CBLB: variants seen among roughly 807,000 people sequenced by gnomAD.
CBLB encodes the protein Cbl proto-oncogene B, also known as E3 ubiquitin-protein ligase CBL-B.
CBLB carries 31 observed loss-of-function variants against 104.9 expected under a neutral mutation model. That is an observed-to-expected ratio of 0.30 (90% CI 0.22 to 0.40). The LOEUF (loss-of-function observed/expected upper bound fraction) is 0.40, where lower values mean the gene tolerates loss of function less well. Ranked by LOEUF, CBLB falls within the 10% of genes least tolerant of loss-of-function variation. The pLI, the probability that CBLB is intolerant of heterozygous loss-of-function variation, is 1.00. For missense variants in CBLB, 1,062 were observed against 1,214.6 expected (o/e 0.87, Z 1.87); for synonymous variants, 440 against 422.6 (o/e 1.04, Z -0.51).
intron 6 of CBLB, among the ~76,000 whole-genome samples, chr3:105,740,851 A>G (rs1342745958): frequency 6.6e-6 from 1 of 152,196 alleles, no homozygotes; most frequent in Non-Finnish European, 1.5e-5. Flanking sequence ...AAATACTTCC[A>G]GATACATATA....
chr3:105,693,639 C>G, intron 12 of CBLB, 51 bp from the exon 13 acceptor site: 1 of 1,238,552 alleles, frequency 8.1e-7, no homozygotes, highest in East Asian at 2.3e-5. Context: ...TCTGAAGGAC[C>G]TTAAAGCCAT....
intron 3 of CBLB, 114 bp downstream of exon 3, chr3:105,853,300 C>A: frequency 2.9e-6 from 3 of 1,049,198 alleles, no homozygotes; most frequent in Non-Finnish European, 4.4e-6. Context: ...TGACTATATA[C>A]AAAGCGACTC....
At chr3:105,812,502 G>A (rs776482179) in intron 3 of CBLB, among the ~76,000 whole-genome samples, 3 of 152,132 alleles carry the variant, frequency 2.0e-5, no homozygotes, top group African/African-American at 4.8e-5. Flanking sequence ...AGGAAGATAC[G>A]ATCTAAACAG....
intron 10 of CBLB, among the ~76,000 whole-genome samples, chr3:105,717,459 G>A (rs1576572430): frequency 6.6e-6 from 1 of 152,150 alleles, no homozygotes; most frequent in Non-Finnish European, 1.5e-5. Flanking sequence ...TTTAGGACAA[G>A]ATGTAAAATC....
chr3:105,741,095 G>GTTTTTTTTT (rs66493673), intron 6 of CBLB, among the ~76,000 whole-genome samples: 4 of 108,200 alleles, frequency 3.7e-5, no homozygotes, highest in Non-Finnish European at 5.3e-5. Flanking sequence ...AAAAATTAGG[G>GTTTTTTTTT]TTTTTTTTTT....
chr3:105,833,466 T>C (rs189728576), intron 3 of CBLB, among the ~76,000 whole-genome samples: 1 of 152,236 alleles, frequency 6.6e-6, no homozygotes, highest in African/African-American at 2.4e-5. Flanking sequence ...AAACAAAAAC[T>C]AGGAACTTTT....
intron 12 of CBLB, among the ~76,000 whole-genome samples, chr3:105,700,234 G>A (rs1315447337): frequency 6.6e-6 from 1 of 152,050 alleles, no homozygotes; most frequent in Non-Finnish European, 1.5e-5. Context: ...GTTTTCTAGA[G>A]CTTAGGAGGG....
chr3:105,845,102 A>G (rs1201623487), intron 3 of CBLB, among the ~76,000 whole-genome samples: 1 of 152,120 alleles, frequency 6.6e-6, no homozygotes, highest in Non-Finnish European at 1.5e-5. Context: ...TAAGCTACCT[A>G]AGACTGAAAA....
intron 5 of CBLB, among the ~76,000 whole-genome samples, chr3:105,751,113 A>C (rs1200473172): frequency 6.6e-6 from 1 of 152,218 alleles, no homozygotes; most frequent in East Asian, 1.9e-4. Context: ...GCCCACCTCC[A>C]GTTGTTGCAT....
At chr3:105,860,487 C>G (rs2091997359) in intron 2 of CBLB, among the ~76,000 whole-genome samples, 1 of 152,130 alleles carries the variant, frequency 6.6e-6, no homozygotes, top group African/African-American at 2.4e-5. Flanking sequence ...ACATTAGAAT[C>G]AAGCAAACCT....
At chr3:105,698,307 T>C (rs781617414) in intron 12 of CBLB, among the ~76,000 whole-genome samples, 1 of 152,000 alleles carries the variant, frequency 6.6e-6, no homozygotes, top group African/African-American at 2.4e-5. Context: ...TTATTTCCAT[T>C]TCCCCTATCA....
At chr3:105,775,360 A>G (rs921101119) in intron 4 of CBLB, among the ~76,000 whole-genome samples, 3 of 150,330 alleles carry the variant, frequency 2.0e-5, no homozygotes, top group African/African-American at 7.3e-5. Flanking sequence ...TACTTTGTAA[A>G]GAAAAAACAA....
At chr3:105,708,839 G>A (rs925358047) in intron 10 of CBLB, among the ~76,000 whole-genome samples, 1 of 151,910 alleles carries the variant, frequency 6.6e-6, no homozygotes, top group Non-Finnish European at 1.5e-5. Flanking sequence ...AAATGCTGAT[G>A]TAAAATATTT....
intron 3 of CBLB, among the ~76,000 whole-genome samples, chr3:105,849,348 T>C (rs967581727): frequency 6.6e-6 from 1 of 152,082 alleles, no homozygotes; most frequent in African/African-American, 2.4e-5. Flanking sequence ...TAATATCCAA[T>C]TAAGGATATG....
chr3:105,700,036 CAG>C (rs1183947855), intron 12 of CBLB, among the ~76,000 whole-genome samples: 15 of 152,194 alleles, frequency 9.9e-5, no homozygotes, highest in African/African-American at 3.4e-4. Context: ...AATTTTCACT[CAG>C]TGTTCTCTAT....
chr3:105,764,284 A>G lies in CBLB; in HGVS notation c.566+12112T>C, dbSNP rs577971730. 4.6e-5 allele frequency among the ~76,000 whole-genome samples: 7 copies of G among 152,320 alleles called. No individual in the cohort carries two copies. In the South Asian group the frequency reaches 6.2e-4, roughly 14 times the overall value. On this transcript the variant is annotated intron_variant, in intron 4 of 18. Transcript: ENST00000394030. ...AATATCTGGGGACCAGGTATATAATATAAATTAGTAAAGATGTCCAGGAAA... is the reference window on the plus strand; with the variant it reads ...AATATCTGGGGACCAGGTATATAATGTAAATTAGTAAAGATGTCCAGGAAA...
Position 105,702,476 on chromosome 3 carries a change from G to GAAAAAAAAAAAAAAAAAAAAAACAAAA in CBLB, c.1594-18_1594-17insTTTTGTTTTTTTTTTTTTTTTTTTTTT. 3.6e-6 allele frequency: 1 copy of GAAAAAAAAAAAAAAAAAAAAAACAAAA among 277,062 alleles called. No individual in the cohort carries two copies. Among genetic ancestry groups the GAAAAAAAAAAAAAAAAAAAAAACAAAA allele is most frequent in the Non-Finnish European group, 5.2e-6 (1 of 190,576 alleles). 17.2% of individuals were successfully genotyped at this position (277,062 alleles called of 1,614,324 possible). On this transcript the variant is annotated splice_polypyrimidine_tract_variant and intron_variant, in intron 11 of 18. Transcript: ENST00000394030. Reference sequence around the variant, plus strand: ...AGGAGAAGACTAAAGAAACAGAAGAGAAAAAAAAAAAAAAAAAAAAAAACT... The same window carrying GAAAAAAAAAAAAAAAAAAAAAACAAAA: ...AGGAGAAGACTAAAGAAACAGAAGAGAAAAAAAAAAAAAAAAAAAAAACAAAAAAAAAAAAAAAAAAAAAAAAAAACT...
At chr3:105,741,186 ATTAG>A (rs530929339) in intron 6 of CBLB, among the ~76,000 whole-genome samples, 104 of 144,872 alleles carry the variant, frequency 7.2e-4, no homozygotes, top group African/African-American at 2.6e-3. Context: ...AGACATTAAA[ATTAG>A]TTTGTTTGTT....
intron 3 of CBLB, among the ~76,000 whole-genome samples, chr3:105,832,486 G>A (rs780758863): frequency 6.6e-6 from 1 of 152,166 alleles, no homozygotes; most frequent in African/African-American, 2.4e-5. Flanking sequence ...GCATGTGGCT[G>A]TAAGACCCTT....
Sources: gnomAD v4.1 joint callset for allele counts (sites outside exome capture counted in the v4.1 genomes callset) on GRCh38, gnomAD v4.1.1 for gene constraint, MANE v1.5 for transcripts, NCBI Gene and HGNC (gene_info 2026-07-23, HGNC 2026-07-21) for gene names.